PRH1: variants seen among roughly 807,000 people sequenced by gnomAD.
The protein encoded by PRH1 is proline rich protein HaeIII subfamily 1.
A neutral mutation model predicts 7.9 loss-of-function variants in PRH1; 7 were observed. The observed-to-expected ratio is 0.89, with a 90% CI of 0.50 to 1.67. PRH1 has a LOEUF of 1.67. Among genes scored for constraint, PRH1 ranks in the 40% most tolerant of loss-of-function variants. PRH1 has a pLI of 0.00. For synonymous variants in PRH1, 45 were observed against 80.8 expected, an observed-to-expected ratio of 0.56 and a Z score of 2.38; for missense variants, 109 against 223.6, an observed-to-expected ratio of 0.49 and a Z score of 3.27.
At chr12:10,916,273 T>C (rs1478461839) in intron 2 of PRH1, among the ~76,000 whole-genome samples, 4 of 108,856 alleles carry the variant, frequency 3.7e-5, no homozygotes. Flanking sequence ...CCATGACACA[T>C]GGGAATTACT....
intron 1 of PRH1, chr12:11,021,647 G>C (rs1591825985): frequency 6.3e-7 from 1 of 1,590,150 alleles, no homozygotes. Flanking sequence ...TGAATCTATG[G>C]AGTTGAGGGT....
intron 2 of PRH1, among the ~76,000 whole-genome samples, chr12:10,921,855 C>T (rs78350561): frequency 0.012 from 1,788 of 152,274 alleles, 45 homozygotes; most frequent in African/African-American, 0.041. Flanking sequence ...TAGTTTTGAC[C>T]TCGCAGGCTC....
chr12:11,001,445 G>A (rs11054148), intron 1 of PRH1, among the ~76,000 whole-genome samples: 33,926 of 151,998 alleles, frequency 0.22, 3,820 homozygotes, highest in Non-Finnish European at 0.24. Context: ...TCTCACTTTA[G>A]ATGTGCCAGC....
chr12:11,051,187 A>G (rs1449532355), upstream of PRH1, among the ~76,000 whole-genome samples: 1 of 152,262 alleles, frequency 6.6e-6, no homozygotes, highest in Non-Finnish European at 1.5e-5. Flanking sequence ...AGGGAAAAAT[A>G]GATGGAAAAT....
At position 10,939,553 on chromosome 12, in the gene PRH1, T is replaced by G. The variant is rs1242210299; in HGVS notation, c.-59+34102A>C. On this transcript the variant is annotated intron_variant, in intron 2 of 3. Transcript: ENST00000539853. ...TATTTATTTTCATTGGTTTGTGTGT[T>G]TTTTTTTTTTTTTTTTGTCTTATCT... is the stretch of plus-strand genomic sequence containing the variant. Among the ~76,000 whole-genome samples the G allele has an allele frequency of 1.7e-3, 102 of 61,796 alleles. 1 individual carries two copies. Among genetic ancestry groups the G allele is most frequent in the South Asian group, 1.4e-3 (3 of 2,080 alleles). The allele number at this position is 61,796 out of a possible 152,430, so 40.5% of individuals were successfully genotyped here. A position where few individuals can be genotyped will look rare whatever the true frequency, so the allele number is the denominator to read the frequency against.
chr12:10,933,190 C>T (rs1270802968), intron 2 of PRH1, among the ~76,000 whole-genome samples: 2 of 151,916 alleles, frequency 1.3e-5, no homozygotes, highest in African/African-American at 4.8e-5. Flanking sequence ...GAAAAGCAAA[C>T]ATGAAAAACT....
At chr12:11,040,196 A>G (rs1373059352) in intron 1 of PRH1, among the ~76,000 whole-genome samples, 3 of 152,202 alleles carry the variant, frequency 2.0e-5, no homozygotes, top group African/African-American at 4.8e-5. Flanking sequence ...TACTTAAAGG[A>G]TTAAGAGGAA....
chr12:11,045,559 T>C (rs924220025), intron 1 of PRH1, among the ~76,000 whole-genome samples: 11 of 152,118 alleles, frequency 7.2e-5, no homozygotes, highest in Non-Finnish European at 1.6e-4. Context: ...CTAGTATGTA[T>C]CCACGAAACT....
chr12:11,087,335 C>T (rs1666406998), intron 1 of PRH1, among the ~76,000 whole-genome samples: 1 of 117,214 alleles, frequency 8.5e-6, no homozygotes, highest in African/African-American at 2.9e-5. Context: ...CTCAAGGGGT[C>T]CTCCCACCTT....
At chr12:10,916,749 A>T (rs1375454344) in intron 2 of PRH1, among the ~76,000 whole-genome samples, 4 of 152,086 alleles carry the variant, frequency 2.6e-5, no homozygotes, top group Non-Finnish European at 5.9e-5. Context: ...TAGTGTTATC[A>T]TCAACAAATA....
intron 1 of PRH1, among the ~76,000 whole-genome samples, chr12:11,112,377 T>C (rs1945614513): frequency 6.6e-6 from 1 of 152,188 alleles, no homozygotes; most frequent in Admixed American, 6.5e-5. Context: ...CCAATATCCT[T>C]GATGAACATC....
intron 2 of PRH1, among the ~76,000 whole-genome samples, chr12:10,934,573 C>T (rs763688153): frequency 6.6e-6 from 1 of 151,932 alleles, no homozygotes; most frequent in Non-Finnish European, 1.5e-5. Context: ...ATCACATGTA[C>T]CTGTTATACA....
intron 1 of PRH1, among the ~76,000 whole-genome samples, chr12:11,154,548 G>T (rs35124606): frequency 6.6e-6 from 1 of 151,876 alleles, no homozygotes; most frequent in Non-Finnish European, 1.5e-5. Context: ...CTGAGCTCTA[G>T]GGGAGGTGGA....
At chr12:11,127,815 C>T (rs1005849104) in intron 1 of PRH1, among the ~76,000 whole-genome samples, 1 of 151,840 alleles carries the variant, frequency 6.6e-6, no homozygotes, top group African/African-American at 2.4e-5. Context: ...TTAAAATACT[C>T]AACTATTTTG....
intron 1 of PRH1, among the ~76,000 whole-genome samples, chr12:11,037,741 A>T (rs1161831021): frequency 6.6e-6 from 1 of 152,222 alleles, no homozygotes; most frequent in African/African-American, 2.4e-5. Flanking sequence ...TTTAAAATTA[A>T]TTTAAGAAAA....
intron 1 of PRH1, among the ~76,000 whole-genome samples, chr12:11,035,555 C>T (rs1942401846): frequency 6.6e-6 from 1 of 151,992 alleles, no homozygotes; most frequent in Non-Finnish European, 1.5e-5. Context: ...TTCCTAAAAC[C>T]AAGTTATTAA....
At chr12:11,124,338 G>A (rs1946027362) in intron 1 of PRH1, among the ~76,000 whole-genome samples, 1 of 151,014 alleles carries the variant, frequency 6.6e-6, no homozygotes, top group African/African-American at 2.4e-5. Flanking sequence ...ATGAAATAGA[G>A]AAGATGTGGG....
intron 1 of PRH1, among the ~76,000 whole-genome samples, chr12:11,070,332 C>T (rs1192327532): frequency 3.3e-5 from 5 of 151,900 alleles, no homozygotes; most frequent in Non-Finnish European, 5.9e-5. Context: ...TGTACAACTC[C>T]AGTAAACACA....
In PRH1 at chr12:10,882,307, A is replaced by C. The variant is rs1361193091; in HGVS notation, c.492T>G (p.Pro164=). ...GHQQGPPPPP[P]GKPQGPPPQG... ...GGGGAGGTGGTCCCTGGGGCTTTCC[A>C]GGAGGAGGTGGGGGAGGACCTTGCT... Residue 164 remains proline, a synonymous_variant, in exon 3 of 4, where the codon CCT becomes CCG. Transcript: ENST00000543626. 6.2e-7 allele frequency: 1 copy of C among 1,609,656 alleles called. No individual in the cohort carries two copies. The highest frequency in any genetic ancestry group is 8.5e-7 in the Non-Finnish European group (1 of 1,178,368).
Sources: gnomAD v4.1 joint callset for allele counts (sites outside exome capture counted in the v4.1 genomes callset) on GRCh38, gnomAD v4.1.1 for gene constraint, MANE v1.5 for transcripts, NCBI Gene and HGNC (gene_info 2026-07-23, HGNC 2026-07-21) for gene names.